DLGAP4: variants seen among roughly 807,000 people sequenced by gnomAD.
DLGAP4 encodes the protein disks large-associated protein 4.
In DLGAP4, 18 loss-of-function variants were observed where a neutral mutation model predicts 86.9. That is an observed-to-expected ratio of 0.21 (90% confidence interval 0.14 to 0.31). DLGAP4 has a LOEUF of 0.31. Ranked by LOEUF, DLGAP4 falls within the 10% of genes least tolerant of loss-of-function variation. The probability of loss-of-function intolerance (pLI) is 1.00; values close to 1 mark genes in which losing one functional copy is unlikely to be tolerated. For synonymous variants in DLGAP4, 548 were observed against 574.3 expected (o/e 0.95, Z 0.65); for missense variants, 1,085 against 1,362.6 (o/e 0.80, Z 3.21).
chr20:36,500,070 C>G lies in DLGAP4; in HGVS notation c.2100-129C>G. 8.9e-7 allele frequency: 1 copy of G among 1,121,776 alleles called. No homozygotes were observed. Among genetic ancestry groups the G allele is most frequent in the Non-Finnish European group, 1.2e-6 (1 of 801,140 alleles). 69.5% of individuals were successfully genotyped at this position (1,121,776 alleles called of 1,614,324 possible). On this transcript the variant is annotated intron_variant, in intron 9 of 12. Transcript: ENST00000339266. This position sits in a 1 kb window ranked among gnomAD's most constrained non-coding sequence, Gnocchi z 4.6. Reference sequence around the variant, plus strand: ...TGGGGGCTGTGGGACCCGCTTCAGGCGCATGGTGAGCAGATGATGCATCCG... The same window carrying G: ...TGGGGGCTGTGGGACCCGCTTCAGGGGCATGGTGAGCAGATGATGCATCCG...
intron 1 of DLGAP4, among the ~76,000 whole-genome samples, chr20:36,341,019 G>A (rs782206888): frequency 7.9e-5 from 12 of 152,214 alleles, no homozygotes; most frequent in Admixed American, 2.6e-4. Context: ...GCTCCAGGCG[G>A]TAGCTCTGAG....
rs1306237246 is a variant in DLGAP4, at chr20:36,435,426, T to C, written c.1000-683T>C. 2.0e-5 allele frequency among the ~76,000 whole-genome samples: 3 copies of C among 152,176 alleles called. No homozygotes were observed. The East Asian group carries it at 5.8e-4, about 29-fold the overall frequency. On this transcript the variant is annotated intron_variant, in intron 3 of 12. Transcript: ENST00000339266. ...TACTGCCACCATAACCACTGGAGAC[T>C]GGGGGACCAGGGCTGCCCTCACAGC...
At chr20:36,365,920 T>G (rs534801187) in intron 1 of DLGAP4, among the ~76,000 whole-genome samples, 20 of 152,296 alleles carry the variant, frequency 1.3e-4, no homozygotes, top group Admixed American at 5.2e-4. Flanking sequence ...TCGGGTTCTG[T>G]GTCCCCACAC....
chr20:36,495,863 T>C (rs1439657073), intron 7 of DLGAP4, among the ~76,000 whole-genome samples: 1 of 152,002 alleles, frequency 6.6e-6, no homozygotes, highest in Non-Finnish European at 1.5e-5. Flanking sequence ...TTTTGTTTGT[T>C]CATGTGTTTG....
chr20:36,374,032 C>CAA (rs11472489), intron 2 of DLGAP4, among the ~76,000 whole-genome samples: 1,984 of 115,148 alleles, frequency 0.017, 60 homozygotes, highest in African/African-American at 0.054. Flanking sequence ...GAGACTGTCT[C>CAA]AAAAAAAAAA....
At chr20:36,446,633 AG>A in intron 6 of DLGAP4, 63 bp from the exon 7 acceptor site, 2 of 1,507,264 alleles carry the variant, frequency 1.3e-6, no homozygotes, top group South Asian at 2.5e-5. Context: ...CCCACCACCA[AG>A]AACCGCTCCC....
intron 7 of DLGAP4, among the ~76,000 whole-genome samples, chr20:36,474,653 G>A (rs879722855): frequency 9.9e-5 from 15 of 152,222 alleles, no homozygotes; most frequent in Non-Finnish European, 1.8e-4. Flanking sequence ...AGAGGGGCCT[G>A]TCTGACATCA....
chr20:36,518,619 T>A (rs1376710523), intron 10 of DLGAP4, among the ~76,000 whole-genome samples: 1 of 152,156 alleles, frequency 6.6e-6, no homozygotes, highest in Admixed American at 6.6e-5. Flanking sequence ...AAATCTTTGT[T>A]TTTATATGGG....
intron 7 of DLGAP4, chr20:36,462,020 C>A: frequency 1.0e-6 from 1 of 985,800 alleles, no homozygotes; most frequent in Non-Finnish European, 1.2e-6. Context: ...CTTGAGAACA[C>A]CTTCCACTCT....
intron 1 of DLGAP4, among the ~76,000 whole-genome samples, chr20:36,346,317 C>T (rs1312810437): frequency 5.9e-5 from 9 of 152,230 alleles, no homozygotes; most frequent in African/African-American, 2.2e-4. Context: ...TTGTGCTGAC[C>T]ATGTGGGTGA....
At chr20:36,382,830 G>A (rs1002120543) in intron 2 of DLGAP4, among the ~76,000 whole-genome samples, 8 of 151,834 alleles carry the variant, frequency 5.3e-5, no homozygotes, top group Non-Finnish European at 1.0e-4. Context: ...ATGCCTGGCT[G>A]GCTTGGTTTT....
intron 1 of DLGAP4, among the ~76,000 whole-genome samples, chr20:36,343,023 G>A (rs2065399456): frequency 6.6e-6 from 1 of 152,144 alleles, no homozygotes; most frequent in African/African-American, 2.4e-5. Context: ...TGAGGGGGAG[G>A]GGAGAGGGAG....
chr20:36,525,719 AC>A (rs1404815428), intron 11 of DLGAP4, 131 bp from the exon 12 acceptor site: 28 of 1,201,286 alleles, frequency 2.3e-5, no homozygotes, highest in Non-Finnish European at 2.7e-5. Context: ...ACAGATACTT[AC>A]CCAGACACTA....
rs993509085 is a variant in DLGAP4, at chr20:36,318,106, T to A, written c.-304+11594T>A. 5.5e-3 allele frequency among the ~76,000 whole-genome samples: 771 copies of A among 139,224 alleles called. 4 individuals carry two copies. The highest frequency in any genetic ancestry group is 0.011 in the Middle Eastern group (3 of 274). The allele number at this position is 139,224 out of a possible 152,430, so 91.3% of individuals were successfully genotyped here. On this transcript the variant is annotated intron_variant, in intron 1 of 12. Transcript: ENST00000339266. Reference sequence around the variant, plus strand: ...TTAAAGCAGTAATAAATGTGTCCTCTCACACACACACACACACACACACAC... The same window carrying A: ...TTAAAGCAGTAATAAATGTGTCCTCACACACACACACACACACACACACAC...
Position 36,496,998 on chromosome 20 carries a change from A to G in DLGAP4, c.1942A>G (p.Thr648Ala), listed in dbSNP as rs759943305. ...TGCAGCTCTGAAAAGTGAACAAGGG[A>G]CGCTGACCAGCTCTGAGTCCCACCC... ...KHAALKSEQG[T>A]LTSSESHPEA... The change falls in exon 8 of 13, where the codon ACG becomes GCG. Residue 648 changes from threonine to alanine, a missense_variant. This residue lies in a region of DLGAP4 where 1,082 missense variants were observed against 1,344.1 expected (regional missense o/e 0.81). Coordinates refer to ENST00000339266, the MANE Select transcript of DLGAP4 (RefSeq NM_001365621.2). The G allele has an allele frequency of 1.9e-6, 3 of 1,613,976 alleles. No homozygotes were observed. The highest frequency in any genetic ancestry group is 1.3e-5 in the African/African-American group (1 of 74,892).
intron 7 of DLGAP4, among the ~76,000 whole-genome samples, chr20:36,496,103 C>T (rs111519449): frequency 0.039 from 5,862 of 152,106 alleles, 382 homozygotes; most frequent in African/African-American, 0.13. Flanking sequence ...AACTCCTGAC[C>T]TCAGGTGATC....
At chr20:36,504,366 C>T (rs2036272228) in intron 10 of DLGAP4, among the ~76,000 whole-genome samples, 1 of 152,116 alleles carries the variant, frequency 6.6e-6, no homozygotes, top group Admixed American at 6.6e-5. Context: ...ATTTTTATGG[C>T]TGACTAGTAT....
chr20:36,401,113 A>G (rs1465704971), intron 2 of DLGAP4, among the ~76,000 whole-genome samples: 1 of 152,110 alleles, frequency 6.6e-6, no homozygotes, highest in African/African-American at 2.4e-5. Context: ...GCCCCGGCCA[A>G]TTGGGCAGCC....
intron 2 of DLGAP4, among the ~76,000 whole-genome samples, chr20:36,387,295 G>A (rs1276294100): frequency 6.6e-6 from 1 of 152,134 alleles, no homozygotes; most frequent in Non-Finnish European, 1.5e-5. Flanking sequence ...GTGTTTAGCG[G>A]TCATCTGAAT....
Sources: allele counts gnomAD v4.1 joint callset (sites outside exome capture counted in the v4.1 genomes callset), GRCh38; gene constraint gnomAD v4.1.1; regional missense constraint gnomAD v4.1.1; non-coding constraint Gnocchi (gnomAD v3.1); transcripts MANE v1.5; gene names NCBI Gene and HGNC (gene_info 2026-07-23, HGNC 2026-07-21).